OAT: variants seen among roughly 807,000 people sequenced by gnomAD.
OAT encodes ornithine aminotransferase, also known as ornithine aminotransferase, mitochondrial.
OAT carries 35 observed loss-of-function variants against 48.4 expected under a neutral mutation model. The observed-to-expected ratio is 0.72, with a 90% confidence interval of 0.55 to 0.96. The LOEUF is 0.96. OAT is among the 40% of genes least tolerant of loss of function. OAT has a pLI of 0.00. For synonymous variants in OAT, 182 were observed against 198.4 expected (o/e 0.92, Z 0.70); for missense variants, 438 against 537.9 (o/e 0.81, Z 1.84).
chr10:124,410,762 A>C (rs2134484378), intron 2 of OAT, among the ~76,000 whole-genome samples: 1 of 152,198 alleles, frequency 6.6e-6, no homozygotes, highest in South Asian at 2.1e-4. Flanking sequence ...CACACCACTG[A>C]ACTCCAGCCT....
chr10:124,411,127 G>A (rs9422944), intron 2 of OAT, among the ~76,000 whole-genome samples: 86,547 of 117,898 alleles, frequency 0.73, 31,404 homozygotes, highest in East Asian at 0.91. Context: ...GTGACAAAGC[G>A]ACATTCCGTC....
chr10:124,417,137 G>T (rs1362085392), intron 1 of OAT, among the ~76,000 whole-genome samples: 3 of 151,834 alleles, frequency 2.0e-5, no homozygotes, highest in Non-Finnish European at 2.9e-5. Flanking sequence ...ACGCTATGGG[G>T]ATAATACATA....
At chr10:124,418,688 C>T (rs1166239285) in intron 1 of OAT, among the ~76,000 whole-genome samples, 185 bp downstream of exon 1, 7 of 152,072 alleles carry the variant, frequency 4.6e-5, no homozygotes, top group Admixed American at 4.6e-4. Context: ...CCGAGCCGCC[C>T]GCAGAGTAAA....
At chr10:124,403,656 C>T (rs757888712) in intron 6 of OAT, 142 bp downstream of exon 6, 2 of 1,176,140 alleles carry the variant, frequency 1.7e-6, no homozygotes, top group Non-Finnish European at 2.5e-6. Flanking sequence ...AGAATGCCAT[C>T]GCCCTCTAGT....
chr10:124,411,956 A>G lies in OAT; in HGVS notation c.199+17T>C, dbSNP rs1951765230. 1 of 1,610,442 alleles carries G rather than the reference A, an allele frequency of 6.2e-7. No individual in the cohort carries two copies. Among genetic ancestry groups the G allele is most frequent in the African/African-American group, 1.3e-5 (1 of 74,874 alleles). ...GGTTTCAAGAAAAGGGAAAAGACGGATTAATTTGAAACGTACCTTTTCCTC... is the reference window on the plus strand; with the variant it reads ...GGTTTCAAGAAAAGGGAAAAGACGGGTTAATTTGAAACGTACCTTTTCCTC... On this transcript the variant is annotated intron_variant, in intron 2 of 9. Coordinates refer to ENST00000368845, the MANE Select transcript of OAT (RefSeq NM_000274.4).
chr10:124,401,486 A>G (rs1477182858), intron 8 of OAT, among the ~76,000 whole-genome samples: 1 of 152,258 alleles, frequency 6.6e-6, no homozygotes, highest in Non-Finnish European at 1.5e-5. Context: ...CCAGGGCCGA[A>G]GAACTCAAAG....
intron 5 of OAT, 87 bp from the exon 6 acceptor site, chr10:124,404,007 T>G: frequency 6.6e-7 from 1 of 1,520,472 alleles, no homozygotes; most frequent in Non-Finnish European, 9.1e-7. Flanking sequence ...TATTTTACAT[T>G]AAGTATGCAA....
chr10:124,411,996 G>A lies in OAT; in HGVS notation c.176C>T (p.Pro59Leu). The A allele has an allele frequency of 6.2e-7, 1 of 1,614,116 alleles. No homozygotes were observed. The highest frequency in any genetic ancestry group is 8.5e-7 in the Non-Finnish European group (1 of 1,179,958). ...ACCTTTTCCTCTCTCCAGGGCTACA[G>A]GTAAAGGATGGTAGTTGTGTGCACC... ...KYGAHNYHPLPVALERGKGIY... is the reference protein window; with the variant it reads ...KYGAHNYHPLLVALERGKGIY... Residue 59 changes from proline (P) to leucine (L), a missense_variant, in exon 2 of 10, where the codon CCT (proline) becomes CTT (leucine). Pro to Leu is a moderately conservative substitution (Grantham distance 98, BLOSUM62 -3). Transcript: ENST00000368845.
chr10:124,402,369 C>G (rs1333793303), intron 7 of OAT, among the ~76,000 whole-genome samples: 1 of 152,168 alleles, frequency 6.6e-6, no homozygotes, highest in Non-Finnish European at 1.5e-5. Context: ...GCTATTTCTG[C>G]AATGATATAA....
rs545023389 is a variant in OAT, at chr10:124,416,492, C to A, written c.-30+2381G>T. Among the ~76,000 whole-genome samples, 7 of 152,280 alleles carry A rather than the reference C, an allele frequency of 4.6e-5. No individual in the cohort carries two copies. In the South Asian group the frequency reaches 6.2e-4, roughly 14 times the overall value. The stretch of plus-strand genomic sequence containing the variant: ...AAAGGTCAAAATAATGTGTTCCAGG[C>A]AGCTATCATGCATCTACCTGACGCC... On this transcript the variant is annotated intron_variant, in intron 1 of 9. Coordinates refer to ENST00000368845, the MANE Select transcript of OAT (RefSeq NM_000274.4).
chr10:124,408,712 G>T lies in OAT; in HGVS notation c.424+29C>A, dbSNP rs540692646. 2.5e-5 allele frequency: 40 copies of T among 1,576,998 alleles called. No individual in the cohort carries two copies. The Admixed American group carries it at 5.3e-4, about 21-fold the overall frequency. On this transcript the variant is annotated intron_variant, in intron 3 of 9. Coordinates refer to ENST00000368845, the MANE Select transcript of OAT (RefSeq NM_000274.4). ...AAAAATAAAAAGATTATTTTTGAGG[G>T]TATTTAACAAAAAAAGGAAATGTTT... is the stretch of plus-strand genomic sequence containing the variant.
At position 124,411,568 on chromosome 10, in the gene OAT, A is replaced by C. The variant is rs562869638; in HGVS notation, c.199+405T>G. ...CGTGGTGGCTCACACCTGTAATCCC[A>C]GCACTTTGGGAGGCCAAGGTGGGAG... On this transcript the variant is annotated intron_variant, in intron 2 of 9. Coordinates refer to ENST00000368845, the MANE Select transcript of OAT (RefSeq NM_000274.4). 1.8e-3 allele frequency among the ~76,000 whole-genome samples: 275 copies of C among 152,290 alleles called. 1 individual carries two copies. The highest frequency in any genetic ancestry group is 6.4e-3 in the African/African-American group (268 of 41,562).
chr10:124,397,830 A>C lies in OAT; in HGVS notation c.*112T>G. The stretch of plus-strand genomic sequence containing the variant: ...ACTGAAAAAAATATATTCAAAAAAA[A>C]AGTTTTTGAAGACTCATGGGAGTGG... On this transcript the variant is annotated 3_prime_UTR_variant, in exon 10 of 10. Transcript: ENST00000368845. The C allele has an allele frequency of 8.0e-7, 1 of 1,256,180 alleles. No homozygotes were observed. The highest frequency in any genetic ancestry group is 1.5e-5 in the African/African-American group (1 of 66,624). 77.8% of individuals were successfully genotyped at this position (1,256,180 alleles called of 1,614,324 possible).
At chr10:124,416,524 C>G (rs1324640795) in intron 1 of OAT, among the ~76,000 whole-genome samples, 1 of 152,196 alleles carries the variant, frequency 6.6e-6, no homozygotes, top group Non-Finnish European at 1.5e-5. Context: ...CGCCCATACT[C>G]AGGTCCTGGA....
chr10:124,416,339 A>C (rs1488752522), intron 1 of OAT, among the ~76,000 whole-genome samples: 1 of 152,216 alleles, frequency 6.6e-6, no homozygotes, highest in Non-Finnish European at 1.5e-5. Flanking sequence ...CAAGTGATCA[A>C]GACCATGGGA....
intron 4 of OAT, chr10:124,406,045 C>T (rs987225172): frequency 9.7e-7 from 1 of 1,036,036 alleles, no homozygotes; most frequent in Non-Finnish European, 1.2e-6. Context: ...GAGAAAAGAT[C>T]CTCAAGCAAT....
At chr10:124,417,267 A>C (rs1386309332) in intron 1 of OAT, among the ~76,000 whole-genome samples, 1 of 151,274 alleles carries the variant, frequency 6.6e-6, no homozygotes, top group Non-Finnish European at 1.5e-5. Context: ...AAAAACTGTA[A>C]ACCCAAAACT....
At chr10:124,406,476 G>C (rs911148773) in intron 4 of OAT, among the ~76,000 whole-genome samples, 8 of 151,606 alleles carry the variant, frequency 5.3e-5, no homozygotes, top group African/African-American at 1.9e-4. Context: ...GGGTGACAGA[G>C]CAAGACTGTC....
intron 4 of OAT, chr10:124,406,091 T>C (rs1403455061): frequency 1.0e-6 from 1 of 985,246 alleles, no homozygotes; most frequent in Non-Finnish European, 1.2e-6. Context: ...CTTGATATTA[T>C]AATCCTTTAT....
Sources: allele counts gnomAD v4.1 joint callset (sites outside exome capture counted in the v4.1 genomes callset), GRCh38; gene constraint gnomAD v4.1.1; transcripts MANE v1.5; gene names NCBI Gene and HGNC (gene_info 2026-07-23, HGNC 2026-07-21).